Variants in ACOXL observed in about 807,000 individuals in gnomAD.
ACOXL encodes acyl-coenzyme A oxidase-like protein.
Under a neutral mutation model 71.9 loss-of-function variants are expected in ACOXL, and 70 were observed. The ratio of observed to expected loss-of-function variants is 0.97; its 90% CI spans 0.80 to 1.19. The LOEUF is 1.19. Among genes scored for constraint, ACOXL ranks in the 50% most tolerant of loss-of-function variants. The pLI is 0.00. For missense variants in ACOXL, 703 were observed against 736.3 expected, an observed-to-expected ratio of 0.95 and a Z score of 0.52; for synonymous variants, 253 against 281.6, an observed-to-expected ratio of 0.90 and a Z score of 1.02.
At chr2:110,933,326 A>G (rs2060546899) in intron 11 of ACOXL, among the ~76,000 whole-genome samples, 163 bp from the exon 12 acceptor site, 1 of 152,204 alleles carries the variant, frequency 6.6e-6, no homozygotes, top group South Asian at 2.1e-4. Context: ...CGTTTTAACT[A>G]TGCCACTGTT....
intron 10 of ACOXL, among the ~76,000 whole-genome samples, chr2:110,891,335 A>G (rs1697910161): frequency 6.6e-6 from 1 of 152,146 alleles, no homozygotes; most frequent in African/African-American, 2.4e-5. Flanking sequence ...CAATATTAAT[A>G]TATTCACCTC....
chr2:110,858,216 G>C (rs910145478), intron 10 of ACOXL, among the ~76,000 whole-genome samples: 12 of 152,084 alleles, frequency 7.9e-5, no homozygotes, highest in African/African-American at 2.7e-4. Flanking sequence ...TGAAACAAAG[G>C]AAAAAGGCAA....
chr2:111,107,101 G>A (rs2150068654), intron 17 of ACOXL, among the ~76,000 whole-genome samples: 1 of 152,350 alleles, frequency 6.6e-6, no homozygotes, highest in Non-Finnish European at 1.5e-5. Context: ...GGCTGTAAGA[G>A]CAAGCTCCCC....
chr2:110,796,493 G>A (rs559523776), intron 5 of ACOXL, among the ~76,000 whole-genome samples: 55 of 152,240 alleles, frequency 3.6e-4, no homozygotes, highest in African/African-American at 1.3e-3. Flanking sequence ...CAAGCATTTT[G>A]CCAGAAGTGA....
intron 10 of ACOXL, among the ~76,000 whole-genome samples, chr2:110,864,158 C>A (rs1055070431): frequency 5.9e-5 from 9 of 152,174 alleles, no homozygotes; most frequent in African/African-American, 2.2e-4. Context: ...CCCAAGTGCC[C>A]TTTCTGACTC....
intron 10 of ACOXL, among the ~76,000 whole-genome samples, chr2:110,851,852 C>T (rs539862811): frequency 6.6e-6 from 1 of 152,360 alleles, no homozygotes; most frequent in South Asian, 2.1e-4. Context: ...GCAGCTGTTT[C>T]CAGACCTCAC....
At chr2:110,832,758 T>G (rs1299002720) in intron 9 of ACOXL, among the ~76,000 whole-genome samples, 1 of 152,038 alleles carries the variant, frequency 6.6e-6, no homozygotes, top group Non-Finnish European at 1.5e-5. Context: ...AATTATAAAA[T>G]GGGTAAAAGA....
At chr2:110,766,200 A>G (rs1293807144) in intron 1 of ACOXL, among the ~76,000 whole-genome samples, 2 of 152,040 alleles carry the variant, frequency 1.3e-5, no homozygotes, top group Non-Finnish European at 2.9e-5. Context: ...TGCTGTGATG[A>G]TTCTTAGTAA....
chr2:110,755,593 T>C (rs1679566747), intron 1 of ACOXL, among the ~76,000 whole-genome samples: 1 of 152,258 alleles, frequency 6.6e-6, no homozygotes, highest in East Asian at 1.9e-4. Flanking sequence ...TAGATATTAT[T>C]ATTATGATAA....
chr2:111,027,188 G>A (rs186944521), intron 14 of ACOXL, among the ~76,000 whole-genome samples: 4 of 149,866 alleles, frequency 2.7e-5, no homozygotes, highest in Admixed American at 6.6e-5. Context: ...GAGCCACCAC[G>A]CCTGGGCCAT....
intron 12 of ACOXL, among the ~76,000 whole-genome samples, chr2:110,979,379 A>G (rs1313446314): frequency 6.6e-6 from 1 of 152,190 alleles, no homozygotes; most frequent in East Asian, 1.9e-4. Flanking sequence ...AGCTGCCACA[A>G]TTCTGGGGAA....
rs34865595 is a variant in ACOXL at position 111,056,788 on chromosome 2, C to CAA, written c.1440+7519_1440+7520dup. 6.5e-3 allele frequency among the ~76,000 whole-genome samples: 664 copies of CAA among 102,068 alleles called. 4 individuals are homozygous for CAA. Among genetic ancestry groups the CAA allele is most frequent in the African/African-American group, 0.014 (350 of 25,300 alleles). 67.0% of individuals were successfully genotyped at this position (102,068 alleles called of 152,430 possible). A position where few individuals can be genotyped will look rare whatever the true frequency, so the allele number is the denominator to read the frequency against. ...GGGTGACAGAGCAAGACTCTGTCTC[C>CAA]AAAAAAAAAAAAAAAAAAAATTTCA... On this transcript the variant is annotated intron_variant, in intron 16 of 17. Transcript: ENST00000439055.
At chr2:110,758,192 A>G (rs1390283933) in intron 1 of ACOXL, among the ~76,000 whole-genome samples, 1 of 152,188 alleles carries the variant, frequency 6.6e-6, no homozygotes, top group Non-Finnish European at 1.5e-5. Context: ...GTCAAAGATT[A>G]GATGCTTGTA....
At chr2:110,890,164 T>C (rs1393757847) in intron 10 of ACOXL, among the ~76,000 whole-genome samples, 1 of 152,208 alleles carries the variant, frequency 6.6e-6, no homozygotes, top group Non-Finnish European at 1.5e-5. Context: ...TTGATCTTTT[T>C]ATTAGTGAGT....
At chr2:111,062,247 A>G (rs145103700) in intron 16 of ACOXL, among the ~76,000 whole-genome samples, 6 of 152,226 alleles carry the variant, frequency 3.9e-5, no homozygotes, top group African/African-American at 1.4e-4. Context: ...TATATTAACA[A>G]AAGTGTCAAT....
chr2:110,787,894 T>C (rs1373038524), intron 3 of ACOXL, among the ~76,000 whole-genome samples: 1 of 152,220 alleles, frequency 6.6e-6, no homozygotes, highest in Non-Finnish European at 1.5e-5. Context: ...TCTTTGCTTC[T>C]TACAGTTTTC....
At chr2:110,989,725 A>C (rs2063092462) in intron 13 of ACOXL, among the ~76,000 whole-genome samples, 1 of 152,202 alleles carries the variant, frequency 6.6e-6, no homozygotes, top group Non-Finnish European at 1.5e-5. Flanking sequence ...AACGTACTTA[A>C]TACCACTGAA....
chr2:110,746,590 G>A (rs368704378), intron 1 of ACOXL, among the ~76,000 whole-genome samples: 1 of 152,228 alleles, frequency 6.6e-6, no homozygotes, highest in South Asian at 2.1e-4. Context: ...CATGTACGTC[G>A]AATGGATTTG....
chr2:111,014,080 A>G (rs954890514), intron 14 of ACOXL, among the ~76,000 whole-genome samples: 1 of 152,320 alleles, frequency 6.6e-6, no homozygotes, highest in Admixed American at 6.5e-5. Flanking sequence ...AATTTCCTCA[A>G]TTTTTGGAGA....
Sources: gnomAD v4.1 joint callset for allele counts (sites outside exome capture counted in the v4.1 genomes callset) on GRCh38, gnomAD v4.1.1 for gene constraint, MANE v1.5 for transcripts, NCBI Gene and HGNC (gene_info 2026-07-23, HGNC 2026-07-21) for gene names.